The following FGFR2 variants were observed in gnomAD, a reference collection of about 807,000 sequenced individuals.
The protein encoded by FGFR2 is BEK fibroblast growth factor receptor.
In FGFR2, 19 loss-of-function variants were observed where a neutral mutation model predicts 95.9. The ratio of observed to expected loss-of-function variants is 0.20; its 90% CI spans 0.14 to 0.29. The LOEUF is 0.29. FGFR2 is among the 10% of genes least tolerant of loss of function. FGFR2 has a pLI of 1.00. For missense variants in FGFR2, 707 were observed against 1,056.9 expected, an observed-to-expected ratio of 0.67 and a Z score of 4.59; for synonymous variants, 392 against 393.3, an observed-to-expected ratio of 1.00 and a Z score of 0.04.
At chr10:121,533,889 T>G (rs188803200) in intron 6 of FGFR2, among the ~76,000 whole-genome samples, 1 of 151,996 alleles carries the variant, frequency 6.6e-6, no homozygotes, top group Admixed American at 6.6e-5. Flanking sequence ...CTTCCTCCAC[T>G]GCAAAGTGGG....
At chr10:121,500,785 T>C in intron 11 of FGFR2, 41 bp downstream of exon 11, 2 of 1,610,518 alleles carry the variant, frequency 1.2e-6, no homozygotes. Flanking sequence ...GATAAGACTC[T>C]CCACCCAGCC....
At chr10:121,496,466 G>A in intron 13 of FGFR2, 66 bp downstream of exon 13, 1 of 1,483,920 alleles carries the variant, frequency 6.7e-7, no homozygotes, top group East Asian at 2.3e-5. Flanking sequence ...TGTCCAAATT[G>A]CCTGTTTTCT....
intron 4 of FGFR2, among the ~76,000 whole-genome samples, 198 bp from the exon 5 acceptor site, chr10:121,551,657 G>A (rs982036274): frequency 4.6e-5 from 7 of 151,854 alleles, no homozygotes; most frequent in Non-Finnish European, 7.4e-5. Flanking sequence ...GAGAGGGATG[G>A]TTCATGTCTA....
At chr10:121,573,917 T>C (rs1196407713) in intron 2 of FGFR2, among the ~76,000 whole-genome samples, 1 of 152,166 alleles carries the variant, frequency 6.6e-6, no homozygotes, top group Admixed American at 6.5e-5. Context: ...GGGCTGCCAG[T>C]GTCTCTACAG....
chr10:121,533,021 A>T (rs1852303769), intron 6 of FGFR2, among the ~76,000 whole-genome samples: 1 of 152,198 alleles, frequency 6.6e-6, no homozygotes. Context: ...GCCCCCAAAC[A>T]ACAACTGCCT....
At chr10:121,500,675 A>G in intron 11 of FGFR2, 151 bp downstream of exon 11, 5 of 1,080,228 alleles carry the variant, frequency 4.6e-6, no homozygotes, top group Non-Finnish European at 6.9e-6. Context: ...TCTGTCCGAG[A>G]TGCTGATTTA....
At chr10:121,534,457 A>G (rs1008932683) in intron 6 of FGFR2, among the ~76,000 whole-genome samples, 2 of 151,592 alleles carry the variant, frequency 1.3e-5, no homozygotes, top group Admixed American at 6.6e-5. Context: ...GTGCAATGGC[A>G]TGATCTTGGC....
In FGFR2 at chr10:121,488,017, T is replaced by C. The variant is rs747718232; in HGVS notation, c.1960A>G (p.Ile654Val). ...DFGLARDINNIDYYKKTTNGR... is the reference protein window; with the variant it reads ...DFGLARDINNVDYYKKTTNGR... The stretch of plus-strand genomic sequence containing the variant: ...TTGGTGGTCTTTTTGTAATAGTCTA[T>C]ATTGTTGATATCTCTGGCGAGTCCA... Residue 654 changes from isoleucine to valine, a missense_variant, in exon 14 of 18, where the codon ATA becomes GTA. This residue lies in a region of FGFR2 where 104 missense variants were observed against 214.2 expected (regional missense o/e 0.49). Coordinates refer to ENST00000358487, the MANE Select transcript of FGFR2 (RefSeq NM_000141.5). 3 of 1,614,210 alleles carry C rather than the reference T, an allele frequency of 1.9e-6. No individual in the cohort carries two copies. Among genetic ancestry groups the C allele is most frequent in the South Asian group, 2.2e-5 (2 of 91,088 alleles).
chr10:121,576,829 G>A (rs935870026), intron 2 of FGFR2, among the ~76,000 whole-genome samples: 2 of 151,884 alleles, frequency 1.3e-5, no homozygotes, highest in Admixed American at 6.6e-5. Context: ...AGAAAAGGCT[G>A]GGGGTGTTAA....
At chr10:121,547,265 G>A (rs909166085) in intron 5 of FGFR2, among the ~76,000 whole-genome samples, 1 of 152,108 alleles carries the variant, frequency 6.6e-6, no homozygotes, top group African/African-American at 2.4e-5. Flanking sequence ...CAAATGGACA[G>A]GAGTCAGGAA....
intron 3 of FGFR2, among the ~76,000 whole-genome samples, chr10:121,565,113 A>G (rs1857482275): frequency 6.6e-6 from 1 of 150,492 alleles, no homozygotes; most frequent in Admixed American, 6.7e-5. Context: ...TAATAAATGA[A>G]TCAGAAATCT....
rs555730451 is a variant in FGFR2, at chr10:121,478,471, C to T, written c.*1386G>A. 2.1e-5 allele frequency: 5 copies of T among 233,496 alleles called. No individual in the cohort carries two copies. In the South Asian group the frequency reaches 7.2e-4, roughly 34 times the overall value. 14.5% of individuals were successfully genotyped at this position (233,496 alleles called of 1,614,324 possible). A position where few individuals can be genotyped will look rare whatever the true frequency, so the allele number is the denominator to read the frequency against. On this transcript the variant is annotated 3_prime_UTR_variant, in exon 18 of 18. Transcript: ENST00000358487. ...TTGTAACACATAAGATCAGTGTAAT[C>T]TGCATTCATCTTGCACGGCTATTGC... is the stretch of plus-strand genomic sequence containing the variant.
intron 13 of FGFR2, 135 bp downstream of exon 13, chr10:121,496,397 G>A (rs41293765): frequency 1.3e-4 from 114 of 905,642 alleles, no homozygotes; most frequent in Non-Finnish European, 1.9e-4. Flanking sequence ...TGGGAATAAC[G>A]CAATAAATAT....
chr10:121,481,894 T>C (rs962959119), intron 17 of FGFR2: 7 of 230,076 alleles, frequency 3.0e-5, no homozygotes, highest in Non-Finnish European at 5.6e-5. Context: ...TGGAATGCAA[T>C]GGCATGATCT....
chr10:121,550,307 G>C (rs971250799), intron 5 of FGFR2, among the ~76,000 whole-genome samples: 3 of 152,144 alleles, frequency 2.0e-5, no homozygotes, highest in Non-Finnish European at 4.4e-5. Context: ...ACTGGACTAA[G>C]AGCCCCTTGG....
At chr10:121,573,092 T>C (rs1859100800) in intron 2 of FGFR2, among the ~76,000 whole-genome samples, 1 of 152,236 alleles carries the variant, frequency 6.6e-6, no homozygotes, top group African/African-American at 2.4e-5. Context: ...ACACTTTACG[T>C]TGCCAAACCA....
intron 1 of FGFR2, chr10:121,594,188 A>G (rs1013726454): frequency 1.1e-5 from 5 of 444,456 alleles, no homozygotes; most frequent in African/African-American, 9.8e-5. Flanking sequence ...CATACTTTTA[A>G]GAAACAGAGA....
chr10:121,486,793 G>A (rs971062593), intron 15 of FGFR2, among the ~76,000 whole-genome samples: 1 of 152,064 alleles, frequency 6.6e-6, no homozygotes, highest in East Asian at 1.9e-4. Context: ...TGACCCCACT[G>A]GTTTTGTCAG....
chr10:121,498,306 C>T (rs1343971310), intron 12 of FGFR2, among the ~76,000 whole-genome samples, 189 bp downstream of exon 12: 1 of 152,198 alleles, frequency 6.6e-6, no homozygotes, highest in East Asian at 1.9e-4. Flanking sequence ...TTCCACTGGC[C>T]CCCAGGTACG....
Sources: gnomAD v4.1 joint callset for allele counts (sites outside exome capture counted in the v4.1 genomes callset) on GRCh38, gnomAD v4.1.1 for gene constraint, gnomAD v4.1.1 regional missense constraint, MANE v1.5 for transcripts, NCBI Gene and HGNC (gene_info 2026-07-23, HGNC 2026-07-21) for gene names.